Variants in MAGI1 observed in about 807,000 individuals in gnomAD.
MAGI1 encodes membrane-associated guanylate kinase, WW and PDZ domain-containing protein 1.
MAGI1 carries 58 observed loss-of-function variants against 139.9 expected under a neutral mutation model. The ratio of observed to expected loss-of-function variants is 0.41; its 90% CI spans 0.34 to 0.52. MAGI1 has a LOEUF of 0.52. MAGI1 is among the 20% of genes least tolerant of loss of function. The probability of loss-of-function intolerance (pLI) is 0.12; values close to 1 mark genes in which losing one functional copy is unlikely to be tolerated. For synonymous variants in MAGI1, 812 were observed against 737.9 expected, an observed-to-expected ratio of 1.10 and a Z score of -1.63; for missense variants, 1,874 against 1,901.6, an observed-to-expected ratio of 0.99 and a Z score of 0.27.
At position 65,429,815 on chromosome 3, in the gene MAGI1, A is replaced by G. The variant is rs762480795; in HGVS notation, c.1872T>C (p.Tyr624=). The G allele has an allele frequency of 1.2e-5, 19 of 1,613,854 alleles. No homozygotes were observed. Among genetic ancestry groups the G allele is most frequent in the Non-Finnish European group, 5.9e-6 (7 of 1,179,962 alleles). The change falls in exon 12 of 23, where the codon TAT becomes TAC. Residue 624 remains tyrosine, a synonymous_variant. Coordinates refer to ENST00000402939, the MANE Select transcript of MAGI1 (RefSeq NM_001033057.2). ...ADVASNSSHG[Y]PNDTVSLASS... is the part of the protein sequence containing the mutation. ...AAGCCAAAGAAACAGTGTCATTAGG[A>G]TAACCATGAGAACTATTTGAAGCCA...
intron 2 of MAGI1, among the ~76,000 whole-genome samples, chr3:65,596,292 G>A (rs2082192132): frequency 6.6e-6 from 1 of 152,152 alleles, no homozygotes; most frequent in Non-Finnish European, 1.5e-5. Context: ...AAGTCACAAT[G>A]CCCTCATGCA....
intron 1 of MAGI1, among the ~76,000 whole-genome samples, chr3:65,751,569 G>A (rs1031141115): frequency 2.6e-5 from 4 of 152,160 alleles, no homozygotes; most frequent in Non-Finnish European, 4.4e-5. Context: ...AAGAGGACAA[G>A]ACAATAATCT....
At chr3:65,985,447 T>C (rs1159709070) in intron 1 of MAGI1, among the ~76,000 whole-genome samples, 1 of 152,188 alleles carries the variant, frequency 6.6e-6, no homozygotes, top group Non-Finnish European at 1.5e-5. Flanking sequence ...TCCTTGGAAA[T>C]GTACACACCA....
At chr3:65,948,125 G>A (rs1229573917) in intron 1 of MAGI1, among the ~76,000 whole-genome samples, 2 of 151,316 alleles carry the variant, frequency 1.3e-5, no homozygotes, top group Non-Finnish European at 2.9e-5. Context: ...TGTATTTTTA[G>A]TAGAGACGGG....
At chr3:65,628,952 T>C (rs920940642) in intron 1 of MAGI1, among the ~76,000 whole-genome samples, 1 of 152,234 alleles carries the variant, frequency 6.6e-6, no homozygotes, top group Non-Finnish European at 1.5e-5. Context: ...TTATTCTTGA[T>C]AAAAAGATAT....
chr3:65,890,411 A>G (rs1484553457), intron 1 of MAGI1, among the ~76,000 whole-genome samples: 1 of 152,080 alleles, frequency 6.6e-6, no homozygotes, highest in Non-Finnish European at 1.5e-5. Flanking sequence ...TGCCTTCCCA[A>G]CTCACACACA....
At chr3:65,424,952 T>C (rs1266820355) in intron 12 of MAGI1, among the ~76,000 whole-genome samples, 1 of 151,830 alleles carries the variant, frequency 6.6e-6, no homozygotes, top group Non-Finnish European at 1.5e-5. Context: ...GGCACATGCC[T>C]GTAGTCCTAG....
In MAGI1 at chr3:65,477,713, T is replaced by TATTA. The variant is rs200355939; in HGVS notation, c.757+878_757+879insTAAT. 4.1e-3 allele frequency among the ~76,000 whole-genome samples: 570 copies of TATTA among 139,276 alleles called. 3 individuals are homozygous for TATTA. The highest frequency in any genetic ancestry group is 0.014 in the African/African-American group (519 of 37,176). 91.4% of individuals were successfully genotyped at this position (139,276 alleles called of 152,430 possible). A position where few individuals can be genotyped will look rare whatever the true frequency, so the allele number is the denominator to read the frequency against. On this transcript the variant is annotated intron_variant, in intron 4 of 22. Transcript: ENST00000402939. ...GCAACATTATTATTATTATTATTAT[T>TATTA]TTTTTTTTTTTATTTATATTTTTTG...
rs1417727463 is a variant in MAGI1, at chr3:65,495,032, G to A, written c.431-1401C>T. ...TTACACTGTTTCCTAATTTGTTCCCGTTTCGTGCCTCCCCTGGCAGGTGAT... is the reference window on the plus strand; with the variant it reads ...TTACACTGTTTCCTAATTTGTTCCCATTTCGTGCCTCCCCTGGCAGGTGAT... On this transcript the variant is annotated intron_variant, in intron 2 of 22. Transcript: ENST00000402939. Among the ~76,000 whole-genome samples the A allele has an allele frequency of 5.3e-5, 8 of 152,266 alleles. No individual in the cohort carries two copies. In the East Asian group the frequency reaches 5.8e-4, roughly 11 times the overall value.
rs2106664420 is a variant in MAGI1 at position 65,353,917 on chromosome 3, CACCAAAAAGTCCACGGAT to C, written c.*2443_*2460del. On this transcript the variant is annotated 3_prime_UTR_variant, in exon 23 of 23. Coordinates refer to ENST00000402939, the MANE Select transcript of MAGI1 (RefSeq NM_001033057.2). ...GTGTGGAATTCAGGTGAAACTGCCA[CACCAAAAAGTCCACGGAT>C]TGAGACAAGCCCAGGTGGGTAGCAC... 6.6e-6 allele frequency: 1 copy of C among 152,330 alleles called. No individual in the cohort carries two copies. The highest frequency in any genetic ancestry group is 1.9e-4 in the East Asian group (1 of 5,186). 9.4% of individuals were successfully genotyped at this position (152,330 alleles called of 1,614,324 possible). A position where few individuals can be genotyped will look rare whatever the true frequency, so the allele number is the denominator to read the frequency against.
chr3:65,493,077 CAA>C (rs11412426), intron 3 of MAGI1, among the ~76,000 whole-genome samples: 12 of 110,244 alleles, frequency 1.1e-4, no homozygotes, highest in Admixed American at 9.4e-5. Flanking sequence ...GACTCCGTCT[CAA>C]AAAAAAAAAA....
chr3:65,471,389 T>G (rs375114756), intron 4 of MAGI1, among the ~76,000 whole-genome samples: 1 of 152,186 alleles, frequency 6.6e-6, no homozygotes, highest in Non-Finnish European at 1.5e-5. Context: ...TCTGTAGACA[T>G]TTCTGATTTA....
chr3:65,795,242 T>C (rs1372379804), intron 1 of MAGI1, among the ~76,000 whole-genome samples: 4 of 152,204 alleles, frequency 2.6e-5, no homozygotes, highest in East Asian at 1.9e-4. Flanking sequence ...CAAATGTTCA[T>C]AGCAACTTTA....
chr3:65,477,455 T>A (rs572791559), intron 4 of MAGI1, among the ~76,000 whole-genome samples: 1 of 152,154 alleles, frequency 6.6e-6, no homozygotes, highest in Non-Finnish European at 1.5e-5. Context: ...TAATCTCATA[T>A]GTTGAAAACG....
intron 1 of MAGI1, among the ~76,000 whole-genome samples, chr3:65,821,357 A>G (rs2041939922): frequency 6.6e-6 from 1 of 152,084 alleles, no homozygotes; most frequent in African/African-American, 2.4e-5. Flanking sequence ...TGTTTATGTG[A>G]CTGGTATCCT....
intron 2 of MAGI1, among the ~76,000 whole-genome samples, chr3:65,541,737 T>A (rs1576255800): frequency 6.6e-6 from 1 of 152,188 alleles, no homozygotes; most frequent in African/African-American, 2.4e-5. Flanking sequence ...ATACTAAAAA[T>A]TCTCAAAAAA....
At position 65,749,710 on chromosome 3, in the gene MAGI1, T is replaced by TAAAA. The variant is rs11328627; in HGVS notation, c.314-127626_314-127623dup. 8.2e-4 allele frequency among the ~76,000 whole-genome samples: 111 copies of TAAAA among 134,810 alleles called. No homozygotes were observed. The Middle Eastern group carries it at 0.015, about 19-fold the overall frequency. 88.4% of individuals were successfully genotyped at this position (134,810 alleles called of 152,430 possible). A position where few individuals can be genotyped will look rare whatever the true frequency, so the allele number is the denominator to read the frequency against. ...ATATAAAACCAGGTCTAGTCTGAGT[T>TAAAA]AAAAAAAAAAAAAAAAAACTGCTGT... On this transcript the variant is annotated intron_variant, in intron 1 of 22. Transcript: ENST00000402939.
intron 1 of MAGI1, among the ~76,000 whole-genome samples, chr3:65,848,400 A>G (rs1458242931): frequency 4.6e-5 from 7 of 152,154 alleles, no homozygotes; most frequent in African/African-American, 7.2e-5. Context: ...AATCTACTTC[A>G]GCACTGAAGT....
chr3:65,548,295 T>G (rs2079598110), intron 2 of MAGI1, among the ~76,000 whole-genome samples: 1 of 151,980 alleles, frequency 6.6e-6, no homozygotes, highest in South Asian at 2.1e-4. Context: ...CGCCCACAGA[T>G]GAAGCATCCC....
Sources: allele counts gnomAD v4.1 joint callset (sites outside exome capture counted in the v4.1 genomes callset), GRCh38; gene constraint gnomAD v4.1.1; transcripts MANE v1.5; gene names NCBI Gene and HGNC (gene_info 2026-07-23, HGNC 2026-07-21).